Variants in RBFOX1 observed in about 807,000 individuals in gnomAD.
RBFOX1 encodes the protein RNA binding protein fox-1 homolog 1.
A neutral mutation model predicts 57.7 loss-of-function variants in RBFOX1; 8 were observed. The observed-to-expected ratio is 0.14, with a 90% CI of 0.08 to 0.25. RBFOX1 has a LOEUF of 0.25. Ranked by LOEUF, RBFOX1 falls within the 10% of genes least tolerant of loss-of-function variation. RBFOX1 has a pLI of 1.00. For missense variants in RBFOX1, 611 were observed against 548.5 expected, an observed-to-expected ratio of 1.11 and a Z score of -1.14; for synonymous variants, 326 against 222.4, an observed-to-expected ratio of 1.47 and a Z score of -4.15.
chr16:5,999,604 G>C (rs1050504502), intron 4 of RBFOX1, among the ~76,000 whole-genome samples: 1 of 152,224 alleles, frequency 6.6e-6, no homozygotes, highest in African/African-American at 2.4e-5. Context: ...GCTCACGCCT[G>C]TAATCCCGGC....
At chr16:5,799,694 G>A (rs2054996848) in intron 3 of RBFOX1, among the ~76,000 whole-genome samples, 2 of 152,032 alleles carry the variant, frequency 1.3e-5, no homozygotes, top group Admixed American at 6.6e-5. Flanking sequence ...TGTGATGTTC[G>A]GTTGGTGAGG....
At chr16:6,711,376 G>A (rs972233692) in intron 3 of RBFOX1, among the ~76,000 whole-genome samples, 1 of 152,062 alleles carries the variant, frequency 6.6e-6, no homozygotes, top group Non-Finnish European at 1.5e-5. Context: ...TTGTCATCTG[G>A]TATCTTGTCC....
chr16:5,822,270 T>TGG (rs2055883117), intron 3 of RBFOX1, among the ~76,000 whole-genome samples: 1 of 152,062 alleles, frequency 6.6e-6, no homozygotes, highest in African/African-American at 2.4e-5. Context: ...CAATAGACTT[T>TGG]GGGGACTTGG....
chr16:5,915,794 G>A (rs1407895445), intron 4 of RBFOX1, among the ~76,000 whole-genome samples: 4 of 151,888 alleles, frequency 2.6e-5, no homozygotes, highest in Admixed American at 6.6e-5. Flanking sequence ...ATCATGCCAC[G>A]GCACTCCAGC....
rs1567355465 is a variant in RBFOX1 at position 6,060,122 on chromosome 16, G to GTTTTTTGTTTTTTTTTTTT, written c.-127+40136_-127+40137insGTTTTTTTTTTTTTTTTTT. ...ATTTGGCCCTAAAATTAGGATTAGG[G>GTTTTTTGTTTTTTTTTTTT]TTTTTTTTTTTTTTTTTTTTTTTTT... On this transcript the variant is annotated intron_variant, in intron 1 of 15. Transcript: ENST00000550418. Among the ~76,000 whole-genome samples the GTTTTTTGTTTTTTTTTTTT allele has an allele frequency of 1.1e-4, 12 of 114,210 alleles. 1 individual carries two copies. The East Asian group carries it at 2.1e-3, about 20-fold the overall frequency. The allele number at this position is 114,210 out of a possible 152,430, so 74.9% of individuals were successfully genotyped here.
chr16:6,350,185 C>G (rs2086059139), intron 2 of RBFOX1, among the ~76,000 whole-genome samples: 1 of 151,826 alleles, frequency 6.6e-6, no homozygotes, highest in Non-Finnish European at 1.5e-5. Context: ...GCCTGTAATC[C>G]CAGCTCTTTA....
intron 4 of RBFOX1, among the ~76,000 whole-genome samples, chr16:5,899,663 A>T (rs538233314): frequency 6.6e-6 from 1 of 152,146 alleles, no homozygotes; most frequent in Non-Finnish European, 1.5e-5. Flanking sequence ...TGGGTGGTGC[A>T]TTATCAAAGC....
chr16:5,349,879 C>G (rs1005960982), intron 1 of RBFOX1, among the ~76,000 whole-genome samples: 4 of 152,152 alleles, frequency 2.6e-5, no homozygotes, highest in African/African-American at 9.7e-5. Flanking sequence ...CTCTCCCTGG[C>G]CAGGAAACAC....
chr16:7,371,239 A>G (rs1158555803), intron 4 of RBFOX1, among the ~76,000 whole-genome samples: 2 of 152,236 alleles, frequency 1.3e-5, no homozygotes, highest in African/African-American at 4.8e-5. Flanking sequence ...CCCAGGAAGA[A>G]TCAAGAAGTA....
chr16:6,547,247 C>A (rs142385613), intron 2 of RBFOX1, among the ~76,000 whole-genome samples: 6 of 152,136 alleles, frequency 3.9e-5, no homozygotes, highest in African/African-American at 1.4e-4. Flanking sequence ...TTTTCTTCCT[C>A]CTCTTTCTTC....
intron 3 of RBFOX1, among the ~76,000 whole-genome samples, chr16:6,824,651 G>T (rs2091863945): frequency 6.6e-6 from 1 of 152,110 alleles, no homozygotes; most frequent in Admixed American, 6.6e-5. Context: ...CTTATCAAAA[G>T]AGGTTCTTGG....
At chr16:6,462,162 C>T (rs189566912) in intron 2 of RBFOX1, among the ~76,000 whole-genome samples, 19 of 152,152 alleles carry the variant, frequency 1.2e-4, no homozygotes, top group East Asian at 5.8e-4. Context: ...GTTTTGGAAC[C>T]GTTAACCCAA....
chr16:5,839,401 C>T (rs2056556576), intron 3 of RBFOX1, among the ~76,000 whole-genome samples: 1 of 152,144 alleles, frequency 6.6e-6, no homozygotes, highest in African/African-American at 2.4e-5. Flanking sequence ...GGCCCTAATT[C>T]CTTTAGCCCT....
intron 3 of RBFOX1, among the ~76,000 whole-genome samples, chr16:6,997,921 A>T (rs1173252549): frequency 1.3e-5 from 2 of 152,096 alleles, no homozygotes; most frequent in Non-Finnish European, 2.9e-5. Context: ...GAAAAAGGTT[A>T]AAAGAATTCT....
intron 3 of RBFOX1, among the ~76,000 whole-genome samples, chr16:7,003,440 C>G (rs1460387322): frequency 6.9e-6 from 1 of 145,872 alleles, no homozygotes; most frequent in East Asian, 2.1e-4. Context: ...AGCCTGGTGA[C>G]AGAGCGAGAC....
intron 4 of RBFOX1, among the ~76,000 whole-genome samples, chr16:5,887,572 T>G (rs940249297): frequency 2.6e-5 from 4 of 152,170 alleles, no homozygotes; most frequent in African/African-American, 9.7e-5. Flanking sequence ...TGGATAATTT[T>G]TTTTTCTTTT....
chr16:6,961,301 A>G (rs1395843723), intron 3 of RBFOX1, among the ~76,000 whole-genome samples: 2 of 152,234 alleles, frequency 1.3e-5, no homozygotes, highest in African/African-American at 4.8e-5. Context: ...TAAGCAATGC[A>G]GACAGTCCTG....
rs375003627 is a variant in RBFOX1, at chr16:6,227,152, C to T, written c.-126-89843C>T. 1.4e-3 allele frequency among the ~76,000 whole-genome samples: 217 copies of T among 151,900 alleles called. 2 individuals carry two copies. The highest frequency in any genetic ancestry group is 3.4e-3 in the Middle Eastern group (1 of 294). On this transcript the variant is annotated intron_variant, in intron 1 of 15. Coordinates refer to ENST00000550418, the MANE Select transcript of RBFOX1 (RefSeq NM_018723.4). ...AAAAAAAAAAGTAATATTATTATTA[C>T]TGCCTCATATATCTTTTTGTTGCAG...
chr16:5,619,652 A>G (rs1304336820), intron 3 of RBFOX1, among the ~76,000 whole-genome samples: 1 of 152,162 alleles, frequency 6.6e-6, no homozygotes, highest in Non-Finnish European at 1.5e-5. Context: ...CAGGTGGCAA[A>G]GAGGGGGGCC....
Sources: allele counts gnomAD v4.1 joint callset (sites outside exome capture counted in the v4.1 genomes callset), GRCh38; gene constraint gnomAD v4.1.1; transcripts MANE v1.5; gene names NCBI Gene and HGNC (gene_info 2026-07-23, HGNC 2026-07-21).